USP6: variants seen among roughly 807,000 people sequenced by gnomAD.
USP6 encodes ubiquitin specific peptidase 6.
USP6 carries 128 observed loss-of-function variants against 175.7 expected under a neutral mutation model. The ratio of observed to expected loss-of-function variants is 0.73; its 90% CI spans 0.63 to 0.84. USP6 has a LOEUF of 0.84. Ranked by LOEUF, USP6 falls within the 40% of genes least tolerant of loss-of-function variation. USP6 has a pLI of 0.00. For synonymous variants in USP6, 562 were observed against 630.6 expected (o/e 0.89, Z 1.63); for missense variants, 1,498 against 1,760.3 (o/e 0.85, Z 2.67).
intron 31 of USP6, 97 bp downstream of exon 31, chr17:5,155,703 A>C: frequency 8.5e-7 from 1 of 1,180,234 alleles, no homozygotes; most frequent in Admixed American, 3.1e-5. Context: ...GCCCATGTCA[A>C]GTTTGGCGCC....
chr17:5,159,608 A>G (rs2073964029), intron 31 of USP6, among the ~76,000 whole-genome samples: 1 of 152,206 alleles, frequency 6.6e-6, no homozygotes, highest in Non-Finnish European at 1.5e-5. Flanking sequence ...ATCATGTACA[A>G]GTGGCATAGG....
Position 5,142,046 on chromosome 17 carries a change from C to A in USP6, c.1617C>A (p.Asn539Lys). 1 of 1,613,884 alleles carries A rather than the reference C, an allele frequency of 6.2e-7. No individual in the cohort carries two copies. Among genetic ancestry groups the A allele is most frequent in the Non-Finnish European group, 8.5e-7 (1 of 1,179,832 alleles). The change falls in exon 24 of 38, where the codon AAC becomes AAA. Residue 539 changes from asparagine to lysine, a missense_variant. Physicochemically the swap from Asn to Lys is moderately conservative, Grantham distance 94 (BLOSUM62 0). Transcript: ENST00000574788. ...KGATGLSNLGNTCFMNSSIQC... is the reference protein window; with the variant it reads ...KGATGLSNLGKTCFMNSSIQC... Reference sequence around the variant, plus strand: ...CCACAGGTCTAAGCAACCTGGGAAACACATGCTTCATGAACTCAAGCATCC... The same window carrying A: ...CCACAGGTCTAAGCAACCTGGGAAAAACATGCTTCATGAACTCAAGCATCC...
intron 18 of USP6, 35 bp from the exon 19 acceptor site, chr17:5,137,076 TAGGGCAGCCC>T (rs2073276633): frequency 1.2e-6 from 2 of 1,603,020 alleles, no homozygotes; most frequent in Admixed American, 1.7e-5. Flanking sequence ...TGGAGGTTTT[TAGGGCAGCCC>T]AGGGGGCCCT....
intron 35 of USP6, among the ~76,000 whole-genome samples, chr17:5,170,122 A>AT (rs758186861): frequency 2.0e-5 from 3 of 150,234 alleles, no homozygotes; most frequent in Non-Finnish European, 4.4e-5. Flanking sequence ...TGGTGGTCAC[A>AT]TTTTTTGTCT....
chr17:5,163,107 A>G (rs2074037371), intron 33 of USP6, 103 bp downstream of exon 33: 3 of 1,453,956 alleles, frequency 2.1e-6, no homozygotes, highest in African/African-American at 2.9e-5. Flanking sequence ...AACAACCAGA[A>G]AAACCTTCAT....
intron 29 of USP6, 105 bp downstream of exon 29, chr17:5,147,299 G>T: frequency 7.9e-7 from 1 of 1,259,434 alleles, no homozygotes; most frequent in Non-Finnish European, 1.1e-6. Context: ...TATAGCAGAA[G>T]AACTTTGGAA....
intron 25 of USP6, among the ~76,000 whole-genome samples, chr17:5,144,438 A>G (rs925379273): frequency 6.6e-6 from 1 of 152,126 alleles, no homozygotes; most frequent in Non-Finnish European, 1.5e-5. Flanking sequence ...ATGTGCCTGA[A>G]GAACAGTTTG....
chr17:5,129,981 G>T lies in USP6; in HGVS notation c.-110G>T, dbSNP rs759916519. ...CCCTGAACATCCCAGGAGGCCGATC[G>T]TACAGAGACCTCTGGTGCCTGACCG... On this transcript the variant is annotated 5_prime_UTR_variant, in exon 9 of 38. Transcript: ENST00000574788. The T allele has an allele frequency of 1.1e-5, 3 of 269,996 alleles. No homozygotes were observed. In the South Asian group the frequency reaches 1.4e-4, roughly 13 times the overall value. The allele number at this position is 269,996 out of a possible 1,614,324, so 16.7% of individuals were successfully genotyped here. A position where few individuals can be genotyped will look rare whatever the true frequency, so the allele number is the denominator to read the frequency against.
At chr17:5,157,553 T>C (rs1300220209) in intron 31 of USP6, among the ~76,000 whole-genome samples, 1 of 152,208 alleles carries the variant, frequency 6.6e-6, no homozygotes, top group African/African-American at 2.4e-5. Flanking sequence ...AAAAAGCTTC[T>C]AGATGTGGGC....
chr17:5,143,384 G>A (rs187113410), intron 25 of USP6, among the ~76,000 whole-genome samples: 5 of 152,330 alleles, frequency 3.3e-5, no homozygotes, highest in South Asian at 2.1e-4. Context: ...GTAAACATAG[G>A]AGACTTTTCA....
chr17:5,156,723 AG>A (rs1047769923), intron 31 of USP6, among the ~76,000 whole-genome samples: 4 of 151,744 alleles, frequency 2.6e-5, no homozygotes, highest in Non-Finnish European at 5.9e-5. Flanking sequence ...GGTAGGGCTT[AG>A]GATAAATACA....
At chr17:5,134,758 A>C (rs2073195820) in intron 15 of USP6, 1 of 215,806 alleles carries the variant, frequency 4.6e-6, no homozygotes, top group African/African-American at 2.3e-5. Flanking sequence ...CCATAGTAGG[A>C]TTCCCATTCC....
chr17:5,140,334 G>A (rs185453393), intron 22 of USP6, among the ~76,000 whole-genome samples: 1 of 152,180 alleles, frequency 6.6e-6, no homozygotes, highest in Non-Finnish European at 1.5e-5. Flanking sequence ...AGAGGTCGAG[G>A]CGGGAGGTTC....
intron 22 of USP6, among the ~76,000 whole-genome samples, chr17:5,139,912 C>A (rs1273368619): frequency 1.3e-5 from 2 of 152,122 alleles, no homozygotes; most frequent in African/African-American, 2.4e-5. Context: ...CGAGGCTTAA[C>A]AATCCAAGCA....
At chr17:5,145,686 T>G in intron 27 of USP6, 107 bp downstream of exon 27, 2 of 1,393,704 alleles carry the variant, frequency 1.4e-6, no homozygotes, top group Non-Finnish European at 1.9e-6. Context: ...AGACTGGTAG[T>G]CAGCATATTA....
At chr17:5,133,353 C>T (rs1432848581) in intron 13 of USP6, 90 bp from the exon 14 acceptor site, 1 of 1,406,244 alleles carries the variant, frequency 7.1e-7, no homozygotes, top group Non-Finnish European at 1.0e-6. Context: ...AATCATGGGG[C>T]CAAAACTGAC....
At chr17:5,148,085 C>T (rs1056214268) in intron 29 of USP6, among the ~76,000 whole-genome samples, 2 of 152,092 alleles carry the variant, frequency 1.3e-5, no homozygotes, top group Admixed American at 6.6e-5. Context: ...CACCATGTTG[C>T]CTAGGCTGGT....
At chr17:5,143,219 C>G (rs1348886229) in intron 25 of USP6, among the ~76,000 whole-genome samples, 1 of 152,102 alleles carries the variant, frequency 6.6e-6, no homozygotes, top group African/African-American at 2.4e-5. Flanking sequence ...AAGTGAGGAG[C>G]CCCTCTGCCC....
At position 5,132,296 on chromosome 17, in the gene USP6, T is replaced by C; in HGVS notation, c.156-100T>C. On this transcript the variant is annotated intron_variant, in intron 11 of 37. Transcript: ENST00000574788. The surrounding 1 kb of genome is among the most constrained non-coding windows in gnomAD (Gnocchi z 4.7). Reference sequence around the variant, plus strand: ...CCTTCTCCCGGGCTGAGCCCTGAGCTGGATAGGGACAGAGCCAGTCCTTTC... The same window carrying C: ...CCTTCTCCCGGGCTGAGCCCTGAGCCGGATAGGGACAGAGCCAGTCCTTTC... 6.2e-7 allele frequency: 1 copy of C among 1,610,502 alleles called. No individual in the cohort carries two copies. Among genetic ancestry groups the C allele is most frequent in the Non-Finnish European group, 8.5e-7 (1 of 1,178,758 alleles).
Sources: gnomAD v4.1 joint callset for allele counts (sites outside exome capture counted in the v4.1 genomes callset) on GRCh38, gnomAD v4.1.1 for gene constraint, Gnocchi (gnomAD v3.1) non-coding constraint, MANE v1.5 for transcripts, NCBI Gene and HGNC (gene_info 2026-07-23, HGNC 2026-07-21) for gene names.